Variants in TBC1D16 observed in about 807,000 individuals in gnomAD.
The protein encoded by TBC1D16 is CTD-2529O21.1.
Under a neutral mutation model 74.7 loss-of-function variants are expected in TBC1D16, and 58 were observed. The ratio of observed to expected loss-of-function variants is 0.78; its 90% CI spans 0.63 to 0.97. The LOEUF (loss-of-function observed/expected upper bound fraction) is 0.97. Ranked by LOEUF, TBC1D16 falls within the 50% of genes least tolerant of loss-of-function variation. The pLI, the probability that TBC1D16 is intolerant of heterozygous loss-of-function variation, is 0.00. For synonymous variants in TBC1D16, 493 were observed against 474.7 expected (o/e 1.04, Z -0.50); for missense variants, 1,014 against 1,079.5 (o/e 0.94, Z 0.85).
rs548301656 is a variant in TBC1D16 at position 79,943,746 on chromosome 17, A to G, written c.1908+1162T>C. ...TGGAATTCTGACTAGATCTCATTAC[A>G]CTTGGGACACAGTAGGTGTCCATGG... is the stretch of plus-strand genomic sequence containing the variant. On this transcript the variant is annotated intron_variant, in intron 10 of 11. Transcript: ENST00000310924. The G allele has an allele frequency of 6.0e-5, 62 of 1,040,468 alleles. No individual in the cohort carries two copies. The Middle Eastern group carries it at 2.1e-3, about 35-fold the overall frequency. 64.5% of individuals were successfully genotyped at this position (1,040,468 alleles called of 1,614,324 possible).
At chr17:79,996,087 G>T (rs2035263705) in intron 3 of TBC1D16, among the ~76,000 whole-genome samples, 1 of 152,088 alleles carries the variant, frequency 6.6e-6, no homozygotes, top group South Asian at 2.1e-4. Context: ...GTCTCTTTGG[G>T]TATCTGTCTT....
At chr17:79,958,798 G>T (rs191185097) in intron 3 of TBC1D16, among the ~76,000 whole-genome samples, 7 of 152,310 alleles carry the variant, frequency 4.6e-5, no homozygotes, top group Admixed American at 4.6e-4. Flanking sequence ...ATACTGAATG[G>T]TAAAAGATGG....
chr17:79,964,829 A>G (rs1214101278), intron 3 of TBC1D16, among the ~76,000 whole-genome samples: 1 of 152,214 alleles, frequency 6.6e-6, no homozygotes, highest in Non-Finnish European at 1.5e-5. Context: ...AAATCCTCAC[A>G]CTGTTATGCT....
rs950044847 is a variant in TBC1D16, at chr17:79,983,130, A to G, written c.779+27030T>C. Among the ~76,000 whole-genome samples, 6 of 152,228 alleles carry G rather than the reference A, an allele frequency of 3.9e-5. No homozygotes were observed. Among genetic ancestry groups the G allele is most frequent in the African/African-American group, 1.2e-4 (5 of 41,468 alleles). ...ACAGCTCCATGTCCATGGAAGGGGCATGGGCAAGTGAAATGCTACGTCCCT... is the reference window on the plus strand; with the variant it reads ...ACAGCTCCATGTCCATGGAAGGGGCGTGGGCAAGTGAAATGCTACGTCCCT... On this transcript the variant is annotated intron_variant, in intron 3 of 11. Transcript: ENST00000310924. This position sits in a 1 kb window ranked among gnomAD's most constrained non-coding sequence, Gnocchi z 5.6.
chr17:79,947,569 G>A (rs889780987), intron 9 of TBC1D16, 76 bp downstream of exon 9: 138 of 1,533,230 alleles, frequency 9.0e-5, no homozygotes, highest in Non-Finnish European at 1.2e-4. Context: ...CATCACCACG[G>A]CAACCCCGGC....
In TBC1D16 at chr17:79,993,445, G is replaced by A. The variant is rs1317936623; in HGVS notation, c.779+16715C>T. Among the ~76,000 whole-genome samples, 1 of 152,056 alleles carries A rather than the reference G, an allele frequency of 6.6e-6. No individual in the cohort carries two copies. Among genetic ancestry groups the A allele is most frequent in the Non-Finnish European group, 1.5e-5 (1 of 67,990 alleles). ...CCAGGAGCCCTGTGTCCTCTGCCTT[G>A]CAGGTGTTTAGGGAACATTGTTCAG... is the stretch of plus-strand genomic sequence containing the variant. On this transcript the variant is annotated intron_variant, in intron 3 of 11. Coordinates refer to ENST00000310924, the MANE Select transcript of TBC1D16 (RefSeq NM_019020.4). The surrounding 1 kb of genome is among the most constrained non-coding windows in gnomAD (Gnocchi z 5.1).
At position 80,035,829 on chromosome 17, in the gene TBC1D16, C is replaced by G. The variant is rs1277716963; in HGVS notation, c.-97G>C. The G allele has an allele frequency of 6.8e-6, 1 of 146,586 alleles. No homozygotes were observed. Among genetic ancestry groups the G allele is most frequent in the East Asian group, 2.0e-4 (1 of 5,060 alleles). The allele number at this position is 146,586 out of a possible 1,614,324, so 9.1% of individuals were successfully genotyped here. A position where few individuals can be genotyped will look rare whatever the true frequency, so the allele number is the denominator to read the frequency against. ...GCTGCGGGGGCCGGATTCGCGCCGG[C>G]TCCGAGAGCCGCCACCGTCGCCTCC... On this transcript the variant is annotated 5_prime_UTR_variant, in exon 1 of 12. Transcript: ENST00000310924. The surrounding 1 kb of genome is among the most constrained non-coding windows in gnomAD (Gnocchi z 5.3).
At chr17:79,984,669 A>T (rs1194719685) in intron 3 of TBC1D16, among the ~76,000 whole-genome samples, 19 of 121,772 alleles carry the variant, frequency 1.6e-4, no homozygotes, top group African/African-American at 5.8e-4. Flanking sequence ...AAGGAGACAA[A>T]CAAAAGCCCT....
chr17:79,936,893 T>C lies in TBC1D16; in HGVS notation c.*3966A>G, dbSNP rs1191935346. 3 of 141,374 alleles carry C rather than the reference T, an allele frequency of 2.1e-5. No individual in the cohort carries two copies. In the East Asian group the frequency reaches 6.3e-4, roughly 30 times the overall value. 8.8% of individuals were successfully genotyped at this position (141,374 alleles called of 1,614,324 possible). ...ATATGTGTGTGTGTGTGTGCATGCG[T>C]GCGTGTGTGCATGTGCGTGTGTGTG... On this transcript the variant is annotated 3_prime_UTR_variant, in exon 12 of 12. Transcript: ENST00000310924.
At chr17:79,974,630 C>T (rs773629623) in intron 3 of TBC1D16, among the ~76,000 whole-genome samples, 1 of 152,158 alleles carries the variant, frequency 6.6e-6, no homozygotes, top group African/African-American at 2.4e-5. Context: ...TATTTTATTG[C>T]AACTAAAAAC....
chr17:80,008,840 C>T lies in TBC1D16; in HGVS notation c.779+1320G>A, dbSNP rs2035772396. On this transcript the variant is annotated intron_variant, in intron 3 of 11. Coordinates refer to ENST00000310924, the MANE Select transcript of TBC1D16 (RefSeq NM_019020.4). The surrounding 1 kb of genome is among the most constrained non-coding windows in gnomAD (Gnocchi z 4.5). ...GGAGGGATAAAATCAGGGAAGAACCCGTCCCACAGTCACCCCTGCTGAGGC... is the reference window on the plus strand; with the variant it reads ...GGAGGGATAAAATCAGGGAAGAACCTGTCCCACAGTCACCCCTGCTGAGGC... Among the ~76,000 whole-genome samples, 1 of 152,198 alleles carries T rather than the reference C, an allele frequency of 6.6e-6. No individual in the cohort carries two copies. The highest frequency in any genetic ancestry group is 1.5e-5 in the Non-Finnish European group (1 of 68,032).
chr17:80,016,572 T>C (rs2036097636), intron 1 of TBC1D16, among the ~76,000 whole-genome samples: 1 of 116,072 alleles, frequency 8.6e-6, no homozygotes, highest in African/African-American at 3.3e-5. Context: ...CAAGTCCCTT[T>C]CACCTCCAGC....
In TBC1D16 at chr17:79,985,815, A is replaced by G. The variant is rs1250042821; in HGVS notation, c.779+24345T>C. Among the ~76,000 whole-genome samples, 1 of 152,086 alleles carries G rather than the reference A, an allele frequency of 6.6e-6. No individual in the cohort carries two copies. Among genetic ancestry groups the G allele is most frequent in the African/African-American group, 2.4e-5 (1 of 41,394 alleles). On this transcript the variant is annotated intron_variant, in intron 3 of 11. Transcript: ENST00000310924. This position sits in a 1 kb window ranked among gnomAD's most constrained non-coding sequence, Gnocchi z 4.9. ...TAGAGTATTTGTTCTGCTGGCTCCC[A>G]CCTCGCAGCCACAACTTCAATGCCC...
chr17:80,025,971 TA>T (rs1192013056), intron 1 of TBC1D16: 1 of 149,936 alleles, frequency 6.7e-6, no homozygotes, highest in East Asian at 1.9e-4. Flanking sequence ...AAAACTGCTC[TA>T]AACAATGAAG....
At chr17:80,017,122 G>A (rs889054137) in intron 1 of TBC1D16, among the ~76,000 whole-genome samples, 2 of 152,122 alleles carry the variant, frequency 1.3e-5, no homozygotes, top group South Asian at 4.1e-4. Context: ...AATGAAGGCT[G>A]CAGAAGAAAG....
chr17:79,984,619 G>GGGAGGGAAGGAAGGAAGGAA (rs1491290219), intron 3 of TBC1D16, among the ~76,000 whole-genome samples: 1 of 102,528 alleles, frequency 9.8e-6, no homozygotes, highest in Admixed American at 1.1e-4. Flanking sequence ...GAGGGAGGGA[G>GGGAGGGAAGGAAGGAAGGAA]TGAAGGAAGG....
Position 79,983,485 on chromosome 17 carries a change from G to A in TBC1D16, c.779+26675C>T, listed in dbSNP as rs1032727083. On this transcript the variant is annotated intron_variant, in intron 3 of 11. Coordinates refer to ENST00000310924, the MANE Select transcript of TBC1D16 (RefSeq NM_019020.4). The surrounding 1 kb of genome is among the most constrained non-coding windows in gnomAD (Gnocchi z 5.6). ...AGGAGTGTGGACAACCTGGGGAACA[G>A]CCATGGAGACAGTGTCCCCCTATTG... 1.3e-5 allele frequency among the ~76,000 whole-genome samples: 2 copies of A among 152,228 alleles called. No individual in the cohort carries two copies. Among genetic ancestry groups the A allele is most frequent in the Non-Finnish European group, 2.9e-5 (2 of 68,044 alleles).
At position 79,951,433 on chromosome 17, in the gene TBC1D16, G is replaced by A; in HGVS notation, c.1089+17C>T. On this transcript the variant is annotated intron_variant, in intron 5 of 11. Transcript: ENST00000310924. Reference sequence around the variant, plus strand: ...AGTGTCAACCGCTGGGCATTCTGGGGCCGTCTGCTGGGCTACCTGGTCTTT... The same window carrying A: ...AGTGTCAACCGCTGGGCATTCTGGGACCGTCTGCTGGGCTACCTGGTCTTT... The A allele has an allele frequency of 6.2e-7, 1 of 1,610,858 alleles. No homozygotes were observed. The highest frequency in any genetic ancestry group is 8.5e-7 in the Non-Finnish European group (1 of 1,178,164).
At position 80,000,693 on chromosome 17, in the gene TBC1D16, G is replaced by A. The variant is rs969097234; in HGVS notation, c.779+9467C>T. On this transcript the variant is annotated intron_variant, in intron 3 of 11. Transcript: ENST00000310924. This position sits in a 1 kb window ranked among gnomAD's most constrained non-coding sequence, Gnocchi z 4.1. ...GTGATGATGACTGTCTATCTGCCCT[G>A]TACTGAGCCCTCTGTGCAGAGCTTT... Among the ~76,000 whole-genome samples, 2 of 152,200 alleles carry A rather than the reference G, an allele frequency of 1.3e-5. No individual in the cohort carries two copies. The highest frequency in any genetic ancestry group is 2.9e-5 in the Non-Finnish European group (2 of 68,042).
Sources: gnomAD v4.1 joint callset for allele counts (sites outside exome capture counted in the v4.1 genomes callset) on GRCh38, gnomAD v4.1.1 for gene constraint, Gnocchi (gnomAD v3.1) non-coding constraint, MANE v1.5 for transcripts, NCBI Gene and HGNC (gene_info 2026-07-23, HGNC 2026-07-21) for gene names.